Variants in ARHGEF3 observed in about 807,000 individuals in gnomAD.
The protein encoded by ARHGEF3 is Rho guanine nucleotide exchange factor 3, also known as 59.8 kDA protein.
In ARHGEF3, 28 loss-of-function variants were observed where a neutral mutation model predicts 63.2. That is an observed-to-expected ratio of 0.44 (90% CI 0.33 to 0.61). The LOEUF (loss-of-function observed/expected upper bound fraction) is 0.61, where lower values mean the gene tolerates loss of function less well. Among genes scored for constraint, ARHGEF3 ranks in the 20% least tolerant of loss-of-function variants. The pLI is 0.03. For missense variants in ARHGEF3, 533 were observed against 659.3 expected (o/e 0.81, Z 2.10); for synonymous variants, 266 against 254.2 (o/e 1.05, Z -0.44).
chr3:57,064,879 C>T (rs559974125), intron 1 of ARHGEF3, among the ~76,000 whole-genome samples: 8 of 152,130 alleles, frequency 5.3e-5, no homozygotes, highest in Admixed American at 2.0e-4. Flanking sequence ...TATCAGTATA[C>T]GCAACACTAC....
intron 1 of ARHGEF3, among the ~76,000 whole-genome samples, chr3:56,801,251 G>T (rs1382941933): frequency 6.6e-6 from 1 of 152,250 alleles, no homozygotes; most frequent in African/African-American, 2.4e-5. Flanking sequence ...GAGAGGGCTG[G>T]TACGTCCCTC....
intron 1 of ARHGEF3, among the ~76,000 whole-genome samples, chr3:56,774,207 C>T (rs1268268547): frequency 6.6e-6 from 1 of 152,102 alleles, no homozygotes; most frequent in East Asian, 1.9e-4. Flanking sequence ...CTTCTGGTTT[C>T]ATCTCTTTAA....
rs2032917412 is a variant in ARHGEF3 at position 56,729,078 on chromosome 3, A to C, written c.*192T>G. 1.7e-6 allele frequency: 1 copy of C among 576,072 alleles called. No individual in the cohort carries two copies. Among genetic ancestry groups the C allele is most frequent in the South Asian group, 2.3e-5 (1 of 42,908 alleles). The allele number at this position is 576,072 out of a possible 1,614,324, so 35.7% of individuals were successfully genotyped here. A position where few individuals can be genotyped will look rare whatever the true frequency, so the allele number is the denominator to read the frequency against. On this transcript the variant is annotated 3_prime_UTR_variant, in exon 10 of 10. Coordinates refer to ENST00000296315, the MANE Select transcript of ARHGEF3 (RefSeq NM_019555.3). ...AATACAACACAGGGTAATAGTTGCC[A>C]CAGATTCCAGCTTACACAGACAGAT...
At chr3:56,974,406 G>C (rs1476458076) in intron 2 of ARHGEF3, among the ~76,000 whole-genome samples, 1 of 152,128 alleles carries the variant, frequency 6.6e-6, no homozygotes, top group East Asian at 1.9e-4. Context: ...GTGTTTCCCA[G>C]TTACTACCTC....
chr3:56,862,439 C>T (rs2040108313), intron 4 of ARHGEF3, among the ~76,000 whole-genome samples: 1 of 152,144 alleles, frequency 6.6e-6, no homozygotes, highest in Non-Finnish European at 1.5e-5. Flanking sequence ...TTTCACTGGG[C>T]GACATGGCAC....
In ARHGEF3 at chr3:57,053,619, G is replaced by A. The variant is rs561785959; in HGVS notation, c.-27-18443C>T. 5.8e-4 allele frequency among the ~76,000 whole-genome samples: 88 copies of A among 152,260 alleles called. 3 individuals are homozygous for A. The South Asian group carries it at 0.017, about 30-fold the overall frequency. On this transcript the variant is annotated intron_variant, in intron 1 of 12. Coordinates refer to the ARHGEF3 transcript ENST00000338458. ...CAACCAAATCAAAACATATAAAACA[G>A]TTCCTGTCTCCTAGAAAGAAGGCTT...
At chr3:57,001,985 G>A (rs371939835) in intron 2 of ARHGEF3, among the ~76,000 whole-genome samples, 510 of 135,848 alleles carry the variant, frequency 3.8e-3, no homozygotes, top group South Asian at 6.9e-3. Context: ...GTGCAGTGGC[G>A]TGATCTCGGC....
intron 1 of ARHGEF3, among the ~76,000 whole-genome samples, chr3:57,051,610 C>A (rs1314287568): frequency 6.6e-6 from 1 of 152,236 alleles, no homozygotes; most frequent in Non-Finnish European, 1.5e-5. Context: ...AGGTACTGCT[C>A]TTGGTGCTTT....
chr3:56,923,378 T>C (rs539430866), intron 3 of ARHGEF3, among the ~76,000 whole-genome samples: 109 of 152,212 alleles, frequency 7.2e-4, no homozygotes, highest in African/African-American at 2.6e-3. Flanking sequence ...GAGGAAATTT[T>C]TTGGTGTAAC....
chr3:56,981,440 C>G (rs185185094), intron 2 of ARHGEF3, among the ~76,000 whole-genome samples: 11 of 152,150 alleles, frequency 7.2e-5, no homozygotes, highest in Admixed American at 4.6e-4. Flanking sequence ...TAGGTGCCAC[C>G]AGCAAGGAGC....
intron 1 of ARHGEF3, among the ~76,000 whole-genome samples, chr3:57,063,813 A>G (rs1272344743): frequency 6.6e-6 from 1 of 152,210 alleles, no homozygotes; most frequent in Non-Finnish European, 1.5e-5. Context: ...AGGGGAGTGG[A>G]AGCCAAGCCT....
At chr3:56,790,778 C>T (rs1270084878) in intron 1 of ARHGEF3, among the ~76,000 whole-genome samples, 1 of 152,182 alleles carries the variant, frequency 6.6e-6, no homozygotes, top group African/African-American at 2.4e-5. Flanking sequence ...ATTTTGCCCC[C>T]CTCGGCCATC....
Position 56,982,989 on chromosome 3 carries a change from A to C in ARHGEF3, c.63-24100T>G, listed in dbSNP as rs149716802. 7.8e-3 allele frequency among the ~76,000 whole-genome samples: 1,194 copies of C among 152,322 alleles called. 7 individuals are homozygous for C. Among genetic ancestry groups the C allele is most frequent in the Admixed American group, 0.015 (231 of 15,300 alleles). ...GTCTTCCTTCTTCTTTCCTGCTTAC[A>C]AATAAATATCATATGCTCATTACAA... On this transcript the variant is annotated intron_variant, in intron 2 of 12. Transcript: ENST00000338458.
At chr3:56,904,453 C>T (rs1333104658) in intron 3 of ARHGEF3, among the ~76,000 whole-genome samples, 1 of 152,172 alleles carries the variant, frequency 6.6e-6, no homozygotes, top group African/African-American at 2.4e-5. Flanking sequence ...GCGTGAGCCA[C>T]CAGGCCCAGC....
intron 2 of ARHGEF3, among the ~76,000 whole-genome samples, chr3:56,993,564 G>A (rs575109242): frequency 6.0e-5 from 9 of 151,032 alleles, no homozygotes; most frequent in East Asian, 4.0e-4. Context: ...TTGTAGAGAC[G>A]GTGTCTCCCT....
At position 57,010,255 on chromosome 3, in the gene ARHGEF3, C is replaced by A. The variant is rs190580232; in HGVS notation, c.62+24833G>T. 5.3e-5 allele frequency among the ~76,000 whole-genome samples: 8 copies of A among 151,912 alleles called. No homozygotes were observed. The East Asian group carries it at 1.2e-3, about 22-fold the overall frequency. ...AGATCACGAGGTCAGGAGATAGAGACCATCCTGGCTAACATGGTGAAACCC... is the reference window on the plus strand; with the variant it reads ...AGATCACGAGGTCAGGAGATAGAGAACATCCTGGCTAACATGGTGAAACCC... On this transcript the variant is annotated intron_variant, in intron 2 of 12. Transcript: ENST00000338458.
intron 8 of ARHGEF3, among the ~76,000 whole-genome samples, chr3:56,734,357 G>A (rs544690593): frequency 1.3e-5 from 2 of 152,330 alleles, no homozygotes; most frequent in South Asian, 2.1e-4. Context: ...TCACTTGTAA[G>A]TGGGAGCTAA....
At chr3:56,912,285 G>A (rs1473917379) in intron 3 of ARHGEF3, among the ~76,000 whole-genome samples, 1 of 152,158 alleles carries the variant, frequency 6.6e-6, no homozygotes, top group Non-Finnish European at 1.5e-5. Flanking sequence ...CTTGTCATAG[G>A]TGCCTCTTAC....
At chr3:57,002,918 C>A (rs562566905) in intron 2 of ARHGEF3, among the ~76,000 whole-genome samples, 12 of 151,160 alleles carry the variant, frequency 7.9e-5, no homozygotes, top group Admixed American at 7.2e-4. Flanking sequence ...GGACTACAGG[C>A]GCACGCCACC....
Sources: gnomAD v4.1 joint callset for allele counts (sites outside exome capture counted in the v4.1 genomes callset) on GRCh38, gnomAD v4.1.1 for gene constraint, MANE v1.5 for transcripts, NCBI Gene and HGNC (gene_info 2026-07-23, HGNC 2026-07-21) for gene names.